DLGAP2: variants seen among roughly 807,000 people sequenced by gnomAD.
The protein encoded by DLGAP2 is DLG associated protein 2.
Under a neutral mutation model 100.3 loss-of-function variants are expected in DLGAP2, and 26 were observed. The ratio of observed to expected loss-of-function variants is 0.26; its 90% confidence interval spans 0.19 to 0.36. The LOEUF (loss-of-function observed/expected upper bound fraction) is 0.36. Ranked by LOEUF, DLGAP2 falls within the 10% of genes least tolerant of loss-of-function variation. The pLI, the probability that DLGAP2 is intolerant of heterozygous loss-of-function variation, is 1.00. For synonymous variants in DLGAP2, 886 were observed against 630.1 expected (o/e 1.41, Z -6.08); for missense variants, 1,858 against 1,453.2 (o/e 1.28, Z -4.53).
chr8:1,218,603 T>C (rs961978306), intron 2 of DLGAP2, among the ~76,000 whole-genome samples: 4 of 152,190 alleles, frequency 2.6e-5, no homozygotes, highest in African/African-American at 7.2e-5. Flanking sequence ...CTTTGGACTT[T>C]TGTGGCTATT....
intron 2 of DLGAP2, among the ~76,000 whole-genome samples, chr8:1,209,622 G>A (rs957481257): frequency 6.6e-6 from 1 of 152,204 alleles, no homozygotes; most frequent in African/African-American, 2.4e-5. Context: ...TTTTAGGGAG[G>A]TAATTAGTCT....
intron 4 of DLGAP2, among the ~76,000 whole-genome samples, chr8:1,523,148 G>A (rs1469289059): frequency 1.3e-5 from 2 of 152,208 alleles, no homozygotes; most frequent in African/African-American, 4.8e-5. Flanking sequence ...TAAGTTCTGG[G>A]GGGCGGGAGT....
chr8:953,064 C>G (rs1799518251), intron 2 of DLGAP2, among the ~76,000 whole-genome samples: 1 of 152,158 alleles, frequency 6.6e-6, no homozygotes, highest in Non-Finnish European at 1.5e-5. Flanking sequence ...CTGACAGATC[C>G]TATACAACAT....
chr8:1,167,789 A>G (rs1563226792), intron 2 of DLGAP2, among the ~76,000 whole-genome samples: 4 of 152,308 alleles, frequency 2.6e-5, no homozygotes, highest in South Asian at 2.1e-4. Context: ...ACACTGAGGT[A>G]CAAAGTCAAG....
chr8:1,607,265 G>C (rs899354338), intron 6 of DLGAP2, among the ~76,000 whole-genome samples: 2 of 151,986 alleles, frequency 1.3e-5, no homozygotes, highest in Non-Finnish European at 2.9e-5. Flanking sequence ...GATTTACAGA[G>C]ACACAGTTTT....
chr8:1,644,512 C>T (rs1181867935), intron 8 of DLGAP2, among the ~76,000 whole-genome samples: 1 of 152,220 alleles, frequency 6.6e-6, no homozygotes, highest in Non-Finnish European at 1.5e-5. Flanking sequence ...GCTTTAAGCC[C>T]CAGCTCAGGA....
At chr8:1,223,671 G>C (rs779777751) in intron 2 of DLGAP2, among the ~76,000 whole-genome samples, 1 of 152,198 alleles carries the variant, frequency 6.6e-6, no homozygotes, top group Admixed American at 6.5e-5. Context: ...ATTTCTGAAA[G>C]GGAAGAGCAA....
chr8:1,371,877 C>A (rs1415233411), intron 3 of DLGAP2, among the ~76,000 whole-genome samples: 8 of 152,236 alleles, frequency 5.3e-5, no homozygotes, highest in African/African-American at 1.9e-4. Flanking sequence ...CCCACAGAGT[C>A]TGGCATCACA....
At chr8:1,682,221 G>T (rs1372515443) in intron 12 of DLGAP2, among the ~76,000 whole-genome samples, 1 of 152,154 alleles carries the variant, frequency 6.6e-6, no homozygotes, top group East Asian at 1.9e-4. Context: ...AGAGGCCAAG[G>T]TTCTCCCGCG....
intron 1 of DLGAP2, among the ~76,000 whole-genome samples, chr8:858,353 G>T (rs1178678524): frequency 6.6e-6 from 1 of 152,268 alleles, no homozygotes; most frequent in Non-Finnish European, 1.5e-5. Context: ...GTAGGATTCC[G>T]ACTGCATGGC....
At chr8:1,627,781 G>C (rs1055371429) in intron 7 of DLGAP2, among the ~76,000 whole-genome samples, 3 of 152,144 alleles carry the variant, frequency 2.0e-5, no homozygotes, top group Admixed American at 6.5e-5. Flanking sequence ...TGTGGAGCAG[G>C]GATTAAGAGC....
At chr8:1,340,058 A>T (rs1801384346) in intron 3 of DLGAP2, among the ~76,000 whole-genome samples, 1 of 152,120 alleles carries the variant, frequency 6.6e-6, no homozygotes, top group Non-Finnish European at 1.5e-5. Flanking sequence ...CAGAAACTGG[A>T]CCCCTTTCTT....
At position 1,507,598 on chromosome 8, in the gene DLGAP2, C is replaced by T. The variant is rs528630743; in HGVS notation, c.172+6167C>T. On this transcript the variant is annotated intron_variant, in intron 4 of 14. Coordinates refer to ENST00000637795, the MANE Select transcript of DLGAP2 (RefSeq NM_001346810.2). ...GGCTGAAGGGCTCCTCAAGTGCGGCCGGAGTGGGCGCCGAGGCGGAGGAGG... is the reference window on the plus strand; with the variant it reads ...GGCTGAAGGGCTCCTCAAGTGCGGCTGGAGTGGGCGCCGAGGCGGAGGAGG... Among the ~76,000 whole-genome samples the T allele has an allele frequency of 3.6e-3, 554 of 152,304 alleles. 6 individuals carry two copies. The highest frequency in any genetic ancestry group is 0.012 in the African/African-American group (499 of 41,564).
chr8:1,565,985 C>T, intron 6 of DLGAP2, 91 bp downstream of exon 6: 3 of 1,128,594 alleles, frequency 2.7e-6, no homozygotes, highest in South Asian at 3.7e-5. Context: ...AGCTGAGTGC[C>T]ATCCATTTAA....
At chr8:1,155,142 A>C (rs1321638345) in intron 2 of DLGAP2, among the ~76,000 whole-genome samples, 2 of 152,180 alleles carry the variant, frequency 1.3e-5, no homozygotes, top group Admixed American at 1.3e-4. Context: ...TCCCTGGGGC[A>C]GCGGCTGGCC....
At chr8:1,143,782 G>A (rs1296067307) in intron 2 of DLGAP2, among the ~76,000 whole-genome samples, 1 of 152,168 alleles carries the variant, frequency 6.6e-6, no homozygotes, top group Non-Finnish European at 1.5e-5. Context: ...CAGCACCTCT[G>A]TGTGCAGGCA....
chr8:1,519,319 A>C (rs2130408742), intron 4 of DLGAP2, among the ~76,000 whole-genome samples: 1 of 152,324 alleles, frequency 6.6e-6, no homozygotes, highest in Non-Finnish European at 1.5e-5. Context: ...ATCTTAAAAA[A>C]AAAATCTAAA....
intron 2 of DLGAP2, among the ~76,000 whole-genome samples, chr8:1,084,415 A>G (rs1290765932): frequency 6.6e-6 from 1 of 152,216 alleles, no homozygotes; most frequent in Non-Finnish European, 1.5e-5. Context: ...ACTCTTGGCA[A>G]TATTTAAATG....
chr8:764,865 T>C (rs1220734354), intron 1 of DLGAP2, among the ~76,000 whole-genome samples: 4 of 152,280 alleles, frequency 2.6e-5, no homozygotes, highest in East Asian at 1.9e-4. Context: ...TGTACCAAAA[T>C]TTACCTATAA....
Sources: gnomAD v4.1 joint callset for allele counts (sites outside exome capture counted in the v4.1 genomes callset) on GRCh38, gnomAD v4.1.1 for gene constraint, MANE v1.5 for transcripts, NCBI Gene and HGNC (gene_info 2026-07-23, HGNC 2026-07-21) for gene names.